PDE4D: variants seen among roughly 807,000 people sequenced by gnomAD.
PDE4D encodes the protein 3',5'-cyclic-AMP phosphodiesterase 4D.
PDE4D carries 24 observed loss-of-function variants against 87.4 expected under a neutral mutation model. The observed-to-expected ratio is 0.27, with a 90% CI of 0.20 to 0.39. The LOEUF (loss-of-function observed/expected upper bound fraction) is 0.39. Ranked by LOEUF, PDE4D falls within the 10% of genes least tolerant of loss-of-function variation. The pLI is 1.00. For missense variants in PDE4D, 714 were observed against 1,041.0 expected (o/e 0.69, Z 4.32); for synonymous variants, 384 against 383.2 (o/e 1.00, Z -0.02).
intron 5 of PDE4D, among the ~76,000 whole-genome samples, chr5:59,112,248 G>T (rs1409811270): frequency 6.6e-6 from 1 of 152,196 alleles, no homozygotes; most frequent in Non-Finnish European, 1.5e-5. Context: ...GAGGCTAATG[G>T]GCTGGAGCTG....
At chr5:59,684,577 G>A (rs971416012) in intron 1 of PDE4D, among the ~76,000 whole-genome samples, 5 of 152,112 alleles carry the variant, frequency 3.3e-5, no homozygotes, top group Admixed American at 1.3e-4. Flanking sequence ...AGAAGGCATT[G>A]TAATAGAAAA....
chr5:60,051,595 A>G (rs1770161174), intron 2 of PDE4D, among the ~76,000 whole-genome samples: 2 of 152,210 alleles, frequency 1.3e-5, no homozygotes, highest in South Asian at 4.1e-4. Context: ...GGAATGATCT[A>G]AAATCGACAC....
chr5:60,297,316 C>G (rs1214423827), intron 1 of PDE4D, among the ~76,000 whole-genome samples: 1 of 151,914 alleles, frequency 6.6e-6, no homozygotes, highest in African/African-American at 2.4e-5. Context: ...AACAAGGAGC[C>G]TAGGCAAAAA....
chr5:59,728,023 A>T (rs1352983220), intron 1 of PDE4D, among the ~76,000 whole-genome samples: 2 of 152,094 alleles, frequency 1.3e-5, no homozygotes, highest in African/African-American at 4.8e-5. Context: ...GTGACCTAAT[A>T]ATAATAGCAT....
chr5:59,337,740 C>CAG (rs1170537460), intron 1 of PDE4D, among the ~76,000 whole-genome samples: 3 of 152,106 alleles, frequency 2.0e-5, no homozygotes, highest in African/African-American at 7.2e-5. Context: ...TCAATAGGAC[C>CAG]AGAACACAGT....
intron 1 of PDE4D, among the ~76,000 whole-genome samples, chr5:59,445,253 A>C (rs1350532734): frequency 2.0e-5 from 3 of 152,212 alleles, no homozygotes; most frequent in African/African-American, 7.2e-5. Context: ...ATTTAAATCA[A>C]GATAAATAAG....
At chr5:59,862,804 A>G (rs548282072) in intron 1 of PDE4D, among the ~76,000 whole-genome samples, 1 of 152,218 alleles carries the variant, frequency 6.6e-6, no homozygotes, top group Non-Finnish European at 1.5e-5. Context: ...AAGAAGCTCA[A>G]TTGGGTAATG....
intron 2 of PDE4D, among the ~76,000 whole-genome samples, chr5:60,026,658 C>T (rs1431616835): frequency 1.3e-5 from 2 of 152,108 alleles, no homozygotes; most frequent in African/African-American, 4.8e-5. Context: ...CATTAGCCAT[C>T]CCCTCAGCTG....
At chr5:60,214,814 T>G (rs1191539694) in intron 1 of PDE4D, among the ~76,000 whole-genome samples, 1 of 152,162 alleles carries the variant, frequency 6.6e-6, no homozygotes. Context: ...CCTAAAGTGT[T>G]CAAGGAAGAA....
rs1274553620 is a variant in PDE4D, at chr5:60,046,736, A to C, written c.43-58019T>G. Among the ~76,000 whole-genome samples, 4 of 152,308 alleles carry C rather than the reference A, an allele frequency of 2.6e-5. No homozygotes were observed. The East Asian group carries it at 7.7e-4, about 29-fold the overall frequency. On this transcript the variant is annotated intron_variant, in intron 2 of 16. Coordinates refer to the PDE4D transcript ENST00000502484. ...TGAGGCCCACTTGATCATGGTGGATAAGCTTTTTGATGTGCTGCTGGATTT... is the reference window on the plus strand; with the variant it reads ...TGAGGCCCACTTGATCATGGTGGATCAGCTTTTTGATGTGCTGCTGGATTT...
chr5:59,626,065 G>T (rs184187842), intron 1 of PDE4D, among the ~76,000 whole-genome samples: 2 of 152,190 alleles, frequency 1.3e-5, no homozygotes, highest in African/African-American at 2.4e-5. Context: ...TCCAGCCTGG[G>T]TGAAAGAGTG....
intron 1 of PDE4D, among the ~76,000 whole-genome samples, chr5:59,527,913 GT>G (rs1404059011): frequency 1.3e-5 from 2 of 152,300 alleles, no homozygotes; most frequent in South Asian, 2.1e-4. Flanking sequence ...AGAAAAATTA[GT>G]TTTTTATTCC....
intron 1 of PDE4D, among the ~76,000 whole-genome samples, chr5:59,224,211 G>A (rs960800111): frequency 2.0e-5 from 3 of 151,196 alleles, no homozygotes; most frequent in African/African-American, 7.3e-5. Context: ...GAGCCCAGGA[G>A]GCTGAGGCTT....
chr5:59,770,521 C>T (rs184848367), intron 1 of PDE4D, among the ~76,000 whole-genome samples: 26 of 152,130 alleles, frequency 1.7e-4, no homozygotes, highest in African/African-American at 6.0e-4. Flanking sequence ...GTGCACTTTA[C>T]GAGTAAAAAC....
intron 1 of PDE4D, among the ~76,000 whole-genome samples, chr5:59,435,172 C>T (rs1477601490): frequency 6.6e-5 from 10 of 151,994 alleles, no homozygotes; most frequent in Admixed American, 6.6e-4. Flanking sequence ...ATTTTTTCCT[C>T]CTCAAATCTA....
chr5:59,439,547 G>T (rs896172025), intron 1 of PDE4D, among the ~76,000 whole-genome samples: 4 of 152,074 alleles, frequency 2.6e-5, no homozygotes, highest in Non-Finnish European at 4.4e-5. Context: ...ACTATTCTAG[G>T]CTCTGGGTAC....
intron 1 of PDE4D, among the ~76,000 whole-genome samples, chr5:59,671,109 A>T (rs941124255): frequency 6.6e-6 from 1 of 152,242 alleles, no homozygotes; most frequent in Non-Finnish European, 1.5e-5. Context: ...CAACTGCAGC[A>T]GAGTCAAATA....
chr5:59,357,049 T>A (rs2153590574), intron 1 of PDE4D: 1 of 495,550 alleles, frequency 2.0e-6, no homozygotes, highest in East Asian at 3.6e-5. Flanking sequence ...TCCTGCTGCA[T>A]GACACTTGGC....
intron 1 of PDE4D, among the ~76,000 whole-genome samples, chr5:59,856,116 A>G (rs891766968): frequency 6.6e-6 from 1 of 152,284 alleles, no homozygotes; most frequent in African/African-American, 2.4e-5. Flanking sequence ...TAAGAATCAT[A>G]TCATTTTTAG....
Sources: allele counts gnomAD v4.1 joint callset (sites outside exome capture counted in the v4.1 genomes callset), GRCh38; gene constraint gnomAD v4.1.1; transcripts MANE v1.5; gene names NCBI Gene and HGNC (gene_info 2026-07-23, HGNC 2026-07-21).